AKAP6: variants seen among roughly 807,000 people sequenced by gnomAD.
The protein encoded by AKAP6 is A-kinase anchoring protein 6.
In AKAP6, 58 loss-of-function variants were observed where a neutral mutation model predicts 188.5. That is an observed-to-expected ratio of 0.31 (90% CI 0.25 to 0.38). The LOEUF is 0.38. Ranked by LOEUF, AKAP6 falls within the 10% of genes least tolerant of loss-of-function variation. The pLI, the probability that AKAP6 is intolerant of heterozygous loss-of-function variation, is 1.00. For synonymous variants in AKAP6, 989 were observed against 998.6 expected, an observed-to-expected ratio of 0.99 and a Z score of 0.18; for missense variants, 2,710 against 2,740.0, an observed-to-expected ratio of 0.99 and a Z score of 0.24.
At chr14:32,517,862 G>A (rs188045406) in intron 2 of AKAP6, among the ~76,000 whole-genome samples, 8 of 152,204 alleles carry the variant, frequency 5.3e-5, no homozygotes, top group Non-Finnish European at 7.3e-5. Flanking sequence ...CTCCTAGCAC[G>A]GAGTTTGAGA....
At chr14:32,466,511 G>C (rs1354325727) in intron 2 of AKAP6, among the ~76,000 whole-genome samples, 2 of 152,098 alleles carry the variant, frequency 1.3e-5, no homozygotes, top group South Asian at 2.1e-4. Flanking sequence ...TCACACATAA[G>C]TGGGAGTTGA....
chr14:32,401,964 T>C (rs1195703726), intron 1 of AKAP6: 1 of 1,372 alleles, frequency 7.3e-4, no homozygotes, highest in Non-Finnish European at 1.2e-3. Flanking sequence ...ATGAGAACAG[T>C]GATTTTTTTC....
At chr14:32,505,422 C>CA (rs551314224) in intron 2 of AKAP6, among the ~76,000 whole-genome samples, 27 of 150,378 alleles carry the variant, frequency 1.8e-4, no homozygotes, top group Non-Finnish European at 3.4e-4. Flanking sequence ...AAGAGGATGA[C>CA]AAAAAAAACT....
In AKAP6 at chr14:32,487,344, T is replaced by C. The variant is rs534719079; in HGVS notation, c.325-48210T>C. Among the ~76,000 whole-genome samples, 20 of 152,344 alleles carry C rather than the reference T, an allele frequency of 1.3e-4. No individual in the cohort carries two copies. The East Asian group carries it at 3.9e-3, about 29-fold the overall frequency. The stretch of plus-strand genomic sequence containing the variant: ...GATGCTGGCCTCATAAAATGAGGTA[T>C]GGAGGAGTCCCTCTTTTTCTATTGT... On this transcript the variant is annotated intron_variant, in intron 2 of 13. Coordinates refer to ENST00000280979, the MANE Select transcript of AKAP6 (RefSeq NM_004274.5).
chr14:32,665,395 T>A (rs903103047), intron 7 of AKAP6, among the ~76,000 whole-genome samples: 1 of 152,072 alleles, frequency 6.6e-6, no homozygotes, highest in African/African-American at 2.4e-5. Context: ...GGGAAACACT[T>A]ATTTACATTT....
chr14:32,764,838 T>C (rs1052410932), intron 11 of AKAP6, among the ~76,000 whole-genome samples: 1 of 152,066 alleles, frequency 6.6e-6, no homozygotes, highest in African/African-American at 2.4e-5. Context: ...TGCTGGAGAT[T>C]AGTGAAAATA....
In AKAP6 at chr14:32,822,291, A is replaced by G. The variant is rs2140145256; in HGVS notation, c.4478A>G (p.His1493Arg). The change falls in exon 13 of 14, where the codon CAT becomes CGT. Residue 1493 changes from histidine (H) to arginine (R), a missense_variant. Coordinates refer to ENST00000280979, the MANE Select transcript of AKAP6 (RefSeq NM_004274.5). ...AAACAGTCACAAAGCGAAAAAGCGC[A>G]TGTGGAGGATCCCCTGCTTCGTGGT... Reference protein sequence around the residue: ...IMKQSQSEKAHVEDPLLRGFY... With the variant: ...IMKQSQSEKARVEDPLLRGFY... 1.2e-6 allele frequency: 2 copies of G among 1,613,960 alleles called. No individual in the cohort carries two copies. The highest frequency in any genetic ancestry group is 1.7e-6 in the Non-Finnish European group (2 of 1,179,942).
intron 4 of AKAP6, 54 bp downstream of exon 4, chr14:32,547,053 G>A: frequency 6.7e-7 from 1 of 1,491,286 alleles, no homozygotes; most frequent in Non-Finnish European, 9.0e-7. Flanking sequence ...TGGAAGTATT[G>A]CTGGGAGAAG....
intron 11 of AKAP6, among the ~76,000 whole-genome samples, chr14:32,741,542 C>T (rs1315787357): frequency 6.6e-6 from 1 of 151,760 alleles, no homozygotes; most frequent in Non-Finnish European, 1.5e-5. Flanking sequence ...CCATCCATCC[C>T]CATTTTTTTT....
At position 32,662,667 on chromosome 14, in the gene AKAP6, G is replaced by C. The variant is rs577990637; in HGVS notation, c.2731-15644G>C. Among the ~76,000 whole-genome samples the C allele has an allele frequency of 1.7e-3, 257 of 152,242 alleles. 5 individuals are homozygous for C. Among genetic ancestry groups the C allele is most frequent in the African/African-American group, 5.9e-3 (244 of 41,560 alleles). On this transcript the variant is annotated intron_variant, in intron 7 of 13. Coordinates refer to ENST00000280979, the MANE Select transcript of AKAP6 (RefSeq NM_004274.5). ...CCACTGTTTGTGATGCTAATGTGGT[G>C]ATGGCCAGACACAGTACCTCTTTCT...
intron 2 of AKAP6, among the ~76,000 whole-genome samples, chr14:32,437,508 T>C (rs1226403865): frequency 6.6e-6 from 1 of 152,132 alleles, no homozygotes; most frequent in Admixed American, 6.6e-5. Flanking sequence ...TTTAATTAAA[T>C]GTCCTTTTTT....
intron 12 of AKAP6, among the ~76,000 whole-genome samples, chr14:32,803,423 TTTC>T (rs2034007195): frequency 6.6e-6 from 1 of 152,198 alleles, no homozygotes; most frequent in African/African-American, 2.4e-5. Context: ...TAATTTTTAT[TTTC>T]TTCTTTATAT....
At chr14:32,663,666 T>C (rs1888799599) in intron 7 of AKAP6, among the ~76,000 whole-genome samples, 1 of 151,978 alleles carries the variant, frequency 6.6e-6, no homozygotes. Flanking sequence ...GGAATTAAAA[T>C]GGAAAGAACC....
At chr14:32,829,787 G>T (rs2034780863) in intron 13 of AKAP6, 61 bp from the exon 14 acceptor site, 2 of 661,460 alleles carry the variant, frequency 3.0e-6, no homozygotes, top group South Asian at 3.3e-5. Flanking sequence ...AAAGGGCTTG[G>T]TTTTGCTAAT....
chr14:32,816,284 G>A (rs904805568), intron 12 of AKAP6, among the ~76,000 whole-genome samples: 8 of 152,038 alleles, frequency 5.3e-5, no homozygotes, highest in African/African-American at 1.2e-4. Flanking sequence ...TGTTGAACTC[G>A]TGGCCTCAAG....
chr14:32,753,497 C>A (rs1343817423), intron 11 of AKAP6, among the ~76,000 whole-genome samples: 1 of 152,116 alleles, frequency 6.6e-6, no homozygotes, highest in East Asian at 1.9e-4. Flanking sequence ...TTGATTGTTT[C>A]CTTTCTGTGC....
chr14:32,720,637 A>G (rs1467872643), intron 9 of AKAP6, among the ~76,000 whole-genome samples: 1 of 152,146 alleles, frequency 6.6e-6, no homozygotes, highest in Non-Finnish European at 1.5e-5. Flanking sequence ...AGAATCAAAG[A>G]TTTTTCTTTT....
chr14:32,477,654 A>G (rs1408737694), intron 2 of AKAP6, among the ~76,000 whole-genome samples: 1 of 152,232 alleles, frequency 6.6e-6, no homozygotes, highest in Non-Finnish European at 1.5e-5. Context: ...CTTCTGGCAT[A>G]TTTATTACTT....
rs762832602 is a variant in AKAP6, at chr14:32,824,146, G to A, written c.6333G>A (p.Ser2111=). The change falls in exon 13 of 14, where the codon TCG becomes TCA. Residue 2111 remains serine, a synonymous_variant. Coordinates refer to ENST00000280979, the MANE Select transcript of AKAP6 (RefSeq NM_004274.5). ...PIQLRKGDFY[S]YLSLSSHDSD... ...AGCTGAGAAAAGGGGACTTTTATTC[G>A]TACTTATCTCTCTCATCTCATGACA... The A allele has an allele frequency of 2.0e-5, 32 of 1,613,816 alleles. No homozygotes were observed. Among genetic ancestry groups the A allele is most frequent in the South Asian group, 6.6e-5 (6 of 91,084 alleles).
Sources: gnomAD v4.1 joint callset for allele counts (sites outside exome capture counted in the v4.1 genomes callset) on GRCh38, gnomAD v4.1.1 for gene constraint, MANE v1.5 for transcripts, NCBI Gene and HGNC (gene_info 2026-07-23, HGNC 2026-07-21) for gene names.